LHFPL3: variants seen among roughly 807,000 people sequenced by gnomAD.
The protein encoded by LHFPL3 is LHFPL tetraspan subfamily member 3 protein.
A neutral mutation model predicts 19.3 loss-of-function variants in LHFPL3; 5 were observed. The ratio of observed to expected loss-of-function variants is 0.26; its 90% CI spans 0.14 to 0.54. The LOEUF (loss-of-function observed/expected upper bound fraction) is 0.54, where lower values mean the gene tolerates loss of function less well. LHFPL3 is among the 20% of genes least tolerant of loss of function. The pLI is 0.94. For missense variants in LHFPL3, 249 were observed against 307.4 expected, an observed-to-expected ratio of 0.81 and a Z score of 1.42; for synonymous variants, 133 against 126.2, an observed-to-expected ratio of 1.05 and a Z score of -0.36.
At chr7:104,669,405 C>T in intron 1 of LHFPL3, 1 of 1,613,650 alleles carries the variant, frequency 6.2e-7, no homozygotes, top group African/African-American at 1.3e-5. Context: ...ACAGAGACCA[C>T]TGGAAGGAGT....
Position 104,507,311 on chromosome 7 carries a change from A to G in LHFPL3, c.445+178087A>G, listed in dbSNP as rs370316841. 4.0e-4 allele frequency among the ~76,000 whole-genome samples: 58 copies of G among 146,462 alleles called. 3 individuals are homozygous for G. Among genetic ancestry groups the G allele is most frequent in the East Asian group, 3.3e-3 (16 of 4,842 alleles). On this transcript the variant is annotated intron_variant, in intron 1 of 2. Transcript: ENST00000424859. ...CCCTCAGAAATAACCCCGCATATCTACAACTATCAGATCTTTGACAAACCT... is the reference window on the plus strand; with the variant it reads ...CCCTCAGAAATAACCCCGCATATCTGCAACTATCAGATCTTTGACAAACCT...
At position 104,489,197 on chromosome 7, in the gene LHFPL3, C is replaced by T. The variant is rs1793293589; in HGVS notation, c.445+159973C>T. Among the ~76,000 whole-genome samples, 2 of 74,842 alleles carry T rather than the reference C, an allele frequency of 2.7e-5. 1 individual carries two copies. The highest frequency in any genetic ancestry group is 2.4e-4 in the Admixed American group (2 of 8,262). 49.1% of individuals were successfully genotyped at this position (74,842 alleles called of 152,430 possible). The stretch of plus-strand genomic sequence containing the variant: ...TCCCGGGTTCACGCCATTCTCCTGC[C>T]TCAGCCTCCCAAGTAGCTGGGACTA... On this transcript the variant is annotated intron_variant, in intron 1 of 2. Transcript: ENST00000424859.
At chr7:104,454,175 C>T (rs1234108358) in intron 1 of LHFPL3, among the ~76,000 whole-genome samples, 1 of 152,078 alleles carries the variant, frequency 6.6e-6, no homozygotes, top group Non-Finnish European at 1.5e-5. Flanking sequence ...TGAACAGCTC[C>T]ACCTTTTTCA....
chr7:104,442,244 CTT>C (rs34028727), intron 1 of LHFPL3, among the ~76,000 whole-genome samples: 13,333 of 148,956 alleles, frequency 0.09, 734 homozygotes, highest in East Asian at 0.23. Flanking sequence ...AAAATCTGGT[CTT>C]TTTTTTTTTG....
intron 1 of LHFPL3, among the ~76,000 whole-genome samples, chr7:104,676,137 T>G (rs1371071533): frequency 6.6e-6 from 1 of 152,228 alleles, no homozygotes; most frequent in African/African-American, 2.4e-5. Context: ...TAGTCAGATA[T>G]GTCACATTTT....
At chr7:104,617,851 A>G (rs1791376801) in intron 1 of LHFPL3, among the ~76,000 whole-genome samples, 1 of 152,220 alleles carries the variant, frequency 6.6e-6, no homozygotes, top group South Asian at 2.1e-4. Flanking sequence ...TCTGCAATCT[A>G]TATACGCTAT....
intron 1 of LHFPL3, among the ~76,000 whole-genome samples, chr7:104,534,372 C>G (rs1429286290): frequency 6.6e-6 from 1 of 152,218 alleles, no homozygotes; most frequent in Non-Finnish European, 1.5e-5. Flanking sequence ...GCCTCCACAG[C>G]ATGGCACCCC....
intron 1 of LHFPL3, among the ~76,000 whole-genome samples, chr7:104,704,465 A>G (rs1793152308): frequency 6.6e-6 from 1 of 151,834 alleles, no homozygotes; most frequent in Non-Finnish European, 1.5e-5. Context: ...GATTAATTAT[A>G]CTTTTGGTCT....
At chr7:104,867,155 C>A (rs2116650165) in intron 2 of LHFPL3, among the ~76,000 whole-genome samples, 2 of 152,164 alleles carry the variant, frequency 1.3e-5, no homozygotes, top group Non-Finnish European at 2.9e-5. Context: ...CCTAACATCA[C>A]AATTAAAAGA....
At chr7:104,343,601 T>C (rs1790004273) in intron 1 of LHFPL3, among the ~76,000 whole-genome samples, 1 of 150,832 alleles carries the variant, frequency 6.6e-6, no homozygotes, top group African/African-American at 2.4e-5. Flanking sequence ...AAATACCTAT[T>C]GTAGTTATAA....
chr7:104,464,699 A>G (rs938709574), intron 1 of LHFPL3, among the ~76,000 whole-genome samples: 1 of 152,212 alleles, frequency 6.6e-6, no homozygotes, highest in Non-Finnish European at 1.5e-5. Flanking sequence ...CATGGCTGGG[A>G]TGCAGGGCAC....
chr7:104,865,305 G>A (rs528997980), intron 2 of LHFPL3, among the ~76,000 whole-genome samples: 3 of 152,182 alleles, frequency 2.0e-5, no homozygotes, highest in South Asian at 4.2e-4. Flanking sequence ...TGAACCCATG[G>A]CAAAGAAGTT....
intron 1 of LHFPL3, among the ~76,000 whole-genome samples, chr7:104,621,486 C>G (rs1020362036): frequency 6.6e-6 from 1 of 152,188 alleles, no homozygotes; most frequent in Non-Finnish European, 1.5e-5. Flanking sequence ...GAATGAATGA[C>G]AAAGATCACT....
intron 1 of LHFPL3, among the ~76,000 whole-genome samples, chr7:104,569,820 A>C (rs1790194555): frequency 6.6e-6 from 1 of 152,150 alleles, no homozygotes; most frequent in Non-Finnish European, 1.5e-5. Flanking sequence ...CAGGTCACGT[A>C]ACCTGTAAAC....
intron 1 of LHFPL3, among the ~76,000 whole-genome samples, chr7:104,486,978 A>G (rs1273257023): frequency 6.6e-6 from 1 of 152,108 alleles, no homozygotes; most frequent in Non-Finnish European, 1.5e-5. Context: ...TCTCATTAAT[A>G]TTTAAAAATC....
intron 1 of LHFPL3, among the ~76,000 whole-genome samples, chr7:104,561,060 T>C (rs1262070709): frequency 6.6e-6 from 1 of 152,038 alleles, no homozygotes; most frequent in Non-Finnish European, 1.5e-5. Flanking sequence ...TTTGTTATAA[T>C]TTCTGTTCTT....
intron 1 of LHFPL3, among the ~76,000 whole-genome samples, chr7:104,338,590 C>T (rs529435245): frequency 6.6e-6 from 1 of 152,216 alleles, no homozygotes; most frequent in East Asian, 1.9e-4. Context: ...AAGATTTATA[C>T]AAGTTATTCA....
At chr7:104,343,207 A>G (rs1037277020) in intron 1 of LHFPL3, among the ~76,000 whole-genome samples, 5 of 152,104 alleles carry the variant, frequency 3.3e-5, no homozygotes, top group African/African-American at 1.2e-4. Flanking sequence ...AGTTTAGTGT[A>G]GAAATATGAT....
At chr7:104,537,111 G>C (rs1485766815) in intron 1 of LHFPL3, among the ~76,000 whole-genome samples, 1 of 152,142 alleles carries the variant, frequency 6.6e-6, no homozygotes, top group African/African-American at 2.4e-5. Flanking sequence ...CCAAAAAACT[G>C]GTAGTCCATC....
Sources: allele counts gnomAD v4.1 joint callset (sites outside exome capture counted in the v4.1 genomes callset), GRCh38; gene constraint gnomAD v4.1.1; transcripts MANE v1.5; gene names NCBI Gene and HGNC (gene_info 2026-07-23, HGNC 2026-07-21).